SPEF2: variants seen among roughly 807,000 people sequenced by gnomAD.
SPEF2 encodes the protein sperm flagella and cilia-associated protein 2.
Under a neutral mutation model 224.6 loss-of-function variants are expected in SPEF2, and 187 were observed. That is an observed-to-expected ratio of 0.83 (90% confidence interval 0.74 to 0.94). The LOEUF is 0.94. Ranked by LOEUF, SPEF2 falls within the 40% of genes least tolerant of loss-of-function variation. The pLI is 0.00. For synonymous variants in SPEF2, 715 were observed against 707.3 expected, an observed-to-expected ratio of 1.01 and a Z score of -0.17; for missense variants, 2,170 against 2,135.6, an observed-to-expected ratio of 1.02 and a Z score of -0.32.
chr5:35,619,081 G>A (rs1743094897), intron 1 of SPEF2, among the ~76,000 whole-genome samples: 1 of 152,100 alleles, frequency 6.6e-6, no homozygotes, highest in Admixed American at 6.5e-5. Context: ...TCTTTAGCAC[G>A]GAGCATCTCC....
At chr5:35,657,722 A>G (rs1341304953) in intron 7 of SPEF2, among the ~76,000 whole-genome samples, 1 of 152,106 alleles carries the variant, frequency 6.6e-6, no homozygotes, top group Non-Finnish European at 1.5e-5. Context: ...ATAGGCATTT[A>G]AGTGTATTCA....
chr5:35,688,068 C>G (rs1185453057), intron 10 of SPEF2, among the ~76,000 whole-genome samples: 1 of 152,164 alleles, frequency 6.6e-6, no homozygotes, highest in South Asian at 2.1e-4. Flanking sequence ...GAAGTAGGCT[C>G]AAGGTTAAAC....
intron 10 of SPEF2, among the ~76,000 whole-genome samples, chr5:35,680,566 A>G (rs1221600808): frequency 6.6e-6 from 1 of 152,160 alleles, no homozygotes; most frequent in Non-Finnish European, 1.5e-5. Context: ...GCACTATTCT[A>G]GGTGTTAAAT....
intron 8 of SPEF2, among the ~76,000 whole-genome samples, chr5:35,665,455 G>C (rs943434339): frequency 2.8e-5 from 4 of 145,194 alleles, no homozygotes; most frequent in African/African-American, 9.9e-5. Flanking sequence ...GGGAGGGAGG[G>C]AGCGAGGAAG....
At chr5:35,758,631 C>T (rs7736028) in intron 24 of SPEF2, among the ~76,000 whole-genome samples, 136,276 of 152,148 alleles carry the variant, frequency 0.9, 61,415 homozygotes, top group South Asian at 0.99. Context: ...AGGGTTTAGC[C>T]GTGAGCACTA....
intron 16 of SPEF2, among the ~76,000 whole-genome samples, chr5:35,703,272 GC>G (rs1739059307): frequency 2.0e-5 from 3 of 152,032 alleles, no homozygotes; most frequent in Admixed American, 2.0e-4. Flanking sequence ...ATCATTTAAG[GC>G]TGGTACAGTA....
chr5:35,711,043 G>C (rs1741006502), intron 19 of SPEF2, among the ~76,000 whole-genome samples: 1 of 152,166 alleles, frequency 6.6e-6, no homozygotes, highest in Admixed American at 6.5e-5. Context: ...CAATTTGAGA[G>C]AGGAACATTT....
chr5:35,787,796 T>A, intron 30 of SPEF2: 6 of 539,068 alleles, frequency 1.1e-5, no homozygotes, highest in Non-Finnish European at 9.8e-6. Flanking sequence ...AATGTAGGGG[T>A]CAGAGATTAA....
At chr5:35,633,944 T>G (rs1182832536) in intron 2 of SPEF2, among the ~76,000 whole-genome samples, 1 of 152,058 alleles carries the variant, frequency 6.6e-6, no homozygotes, top group East Asian at 1.9e-4. Context: ...TCCTTTTTTG[T>G]GCTATTGTTG....
At chr5:35,745,106 C>G (rs1389040062) in intron 23 of SPEF2, among the ~76,000 whole-genome samples, 1 of 152,170 alleles carries the variant, frequency 6.6e-6, no homozygotes, top group Non-Finnish European at 1.5e-5. Context: ...TTACCTGGAG[C>G]TGAGTCAATT....
At chr5:35,727,486 C>T (rs1744861829) in intron 20 of SPEF2, among the ~76,000 whole-genome samples, 189 bp from the exon 21 acceptor site, 1 of 152,102 alleles carries the variant, frequency 6.6e-6, no homozygotes, top group Non-Finnish European at 1.5e-5. Flanking sequence ...AAAACATTTA[C>T]TATTATTAAT....
At chr5:35,764,276 G>T (rs1017317921) in intron 26 of SPEF2, among the ~76,000 whole-genome samples, 1 of 152,044 alleles carries the variant, frequency 6.6e-6, no homozygotes, top group Admixed American at 6.6e-5. Flanking sequence ...TACCTATGGG[G>T]TAAGTATTAT....
At chr5:35,708,629 C>T (rs1740378843) in intron 18 of SPEF2, among the ~76,000 whole-genome samples, 5 of 152,174 alleles carry the variant, frequency 3.3e-5, no homozygotes, top group East Asian at 3.9e-4. Flanking sequence ...ACCTCCACCA[C>T]CATCACCTCT....
Position 35,712,873 on chromosome 5 carries a change from A to G in SPEF2, c.2901A>G (p.Ala967=), listed in dbSNP as rs371380166. 20 of 1,613,540 alleles carry G rather than the reference A, an allele frequency of 1.2e-5. No individual in the cohort carries two copies. The African/African-American group carries it at 2.4e-4, about 19-fold the overall frequency. ...QEGKGKKGET[A]LKRKGSPKGK... ...GAAAAGGGAAGAAAGGTGAGACCGCACTCAAAAGAAAAGGTACAGCAGATA... is the reference window on the plus strand; with the variant it reads ...GAAAAGGGAAGAAAGGTGAGACCGCGCTCAAAAGAAAAGGTACAGCAGATA... Residue 967 remains alanine (A), a synonymous_variant, in exon 20 of 37, where the codon GCA becomes GCG. Transcript: ENST00000356031.
At position 35,617,920 on chromosome 5, in the gene SPEF2, A is replaced by T; in HGVS notation, c.-78A>T. On this transcript the variant is annotated 5_prime_UTR_variant, in exon 1 of 37. Coordinates refer to ENST00000356031, the MANE Select transcript of SPEF2 (RefSeq NM_024867.4). ...ATAGCAAAGGGTTGCCCTTGGCTAC[A>T]GGAGGACGCGGGCTGGCAGGCTTGG... The T allele has an allele frequency of 7.0e-7, 1 of 1,429,856 alleles. No homozygotes were observed. The highest frequency in any genetic ancestry group is 2.5e-5 in the East Asian group (1 of 40,530). 88.6% of individuals were successfully genotyped at this position (1,429,856 alleles called of 1,614,324 possible). A position where few individuals can be genotyped will look rare whatever the true frequency, so the allele number is the denominator to read the frequency against.
chr5:35,807,070 T>C, intron 35 of SPEF2, 61 bp from the exon 36 acceptor site: 1 of 1,554,204 alleles, frequency 6.4e-7, no homozygotes, highest in Non-Finnish European at 8.7e-7. Flanking sequence ...AATACAACCA[T>C]TTTTTTTAAC....
chr5:35,714,611 C>G (rs1357227576), intron 20 of SPEF2, among the ~76,000 whole-genome samples: 1 of 151,214 alleles, frequency 6.6e-6, no homozygotes, highest in Admixed American at 6.6e-5. Context: ...TACATGGCCT[C>G]AGTTCTGAAA....
At chr5:35,658,737 GA>G (rs553392804) in intron 7 of SPEF2, among the ~76,000 whole-genome samples, 99 of 151,436 alleles carry the variant, frequency 6.5e-4, no homozygotes, top group Middle Eastern at 3.4e-3. Context: ...TTAAAACCTT[GA>G]AAAAAAATCA....
intron 28 of SPEF2, among the ~76,000 whole-genome samples, 195 bp from the exon 29 acceptor site, chr5:35,776,062 A>C (rs1217656511): frequency 6.6e-6 from 1 of 152,194 alleles, no homozygotes; most frequent in Non-Finnish European, 1.5e-5. Flanking sequence ...GGTTCAGATA[A>C]TTTCTCAAAT....
Sources: allele counts gnomAD v4.1 joint callset (sites outside exome capture counted in the v4.1 genomes callset), GRCh38; gene constraint gnomAD v4.1.1; transcripts MANE v1.5; gene names NCBI Gene and HGNC (gene_info 2026-07-23, HGNC 2026-07-21).